Variants in KCNH2 observed in about 807,000 individuals in gnomAD.
KCNH2 encodes the protein voltage-gated inwardly rectifying potassium channel KCNH2.
A neutral mutation model predicts 95.9 loss-of-function variants in KCNH2; 35 were observed. The ratio of observed to expected loss-of-function variants is 0.37; its 90% CI spans 0.28 to 0.48. The LOEUF (loss-of-function observed/expected upper bound fraction) is 0.48, where lower values mean the gene tolerates loss of function less well. Among genes scored for constraint, KCNH2 ranks in the 20% least tolerant of loss-of-function variants. KCNH2 has a pLI of 0.99. For synonymous variants in KCNH2, 786 were observed against 754.7 expected (o/e 1.04, Z -0.68); for missense variants, 1,274 against 1,702.9 (o/e 0.75, Z 4.43).
intron 6 of KCNH2, 105 bp from the exon 7 acceptor site, chr7:150,951,940 A>C: frequency 9.2e-7 from 1 of 1,086,176 alleles, no homozygotes; most frequent in Non-Finnish European, 1.3e-6. Flanking sequence ...CAGATCCCCA[A>C]AGACTTCCTA....
chr7:150,977,275 A>G (rs1360455009), intron 1 of KCNH2, among the ~76,000 whole-genome samples: 1 of 152,024 alleles, frequency 6.6e-6, no homozygotes, highest in Non-Finnish European at 1.5e-5. Flanking sequence ...CTTGTCAAAG[A>G]CACCTCCCCA....
intron 12 of KCNH2, 26 bp from the exon 13 acceptor site, chr7:150,947,540 G>A (rs1800950298): frequency 6.2e-7 from 1 of 1,600,136 alleles, no homozygotes; most frequent in Non-Finnish European, 8.5e-7. Context: ...AGAGCTGGGT[G>A]AGCGGGGTAG....
In KCNH2 at chr7:150,952,470, G is replaced by C. The variant is rs41311003; in HGVS notation, c.1512C>G (p.Ala504=). The part of the protein sequence containing the change: ...FKGWFLIDMV[A]AIPFDLLIFG... ...AGATGAGCAGGTCGAAGGGGATGGC[G>C]GCCACCATGTCGATGAGGAACCAGC... is the stretch of plus-strand genomic sequence containing the variant. Residue 504 remains alanine, a synonymous_variant, in exon 6 of 15, where the codon GCC becomes GCG. Transcript: ENST00000262186. The surrounding 1 kb of genome is among the most constrained non-coding windows in gnomAD (Gnocchi z 7.3). 6.2e-7 allele frequency: 1 copy of C among 1,614,112 alleles called. No individual in the cohort carries two copies. The highest frequency in any genetic ancestry group is 8.5e-7 in the Non-Finnish European group (1 of 1,180,016).
rs199473020 is a variant in KCNH2, at chr7:150,947,385, C to T, written c.3095G>A (p.Arg1032Gln). Residue 1032 changes from arginine to glutamine, a missense_variant, in exon 13 of 15, where the codon CGG (arginine) becomes CAG (glutamine). By Grantham distance (43) the Arg-to-Gln change is conservative. This residue lies in a region of KCNH2 where 457 missense variants were observed against 416.1 expected (regional missense o/e 1.10). Transcript: ENST00000262186. Reference sequence around the variant, plus strand: ...GCTCTCCACGTCGCCCCGGGGCCGCCGACCCGGGCTGGAGAGGGGGATGTT... The same window carrying T: ...GCTCTCCACGTCGCCCCGGGGCCGCTGACCCGGGCTGGAGAGGGGGATGTT... Reference protein sequence around the residue: ...LLNIPLSSPGRRPRGDVESRL... With the variant: ...LLNIPLSSPGQRPRGDVESRL... The T allele has an allele frequency of 1.3e-5, 20 of 1,549,076 alleles. No homozygotes were observed. The East Asian group carries it at 1.9e-4, about 15-fold the overall frequency.
rs767252448 is a variant in KCNH2 at position 150,947,641 on chromosome 7, C to G, written c.2930G>C (p.Cys977Ser). The G allele has an allele frequency of 1.1e-5, 17 of 1,612,142 alleles. No individual in the cohort carries two copies. In the East Asian group the frequency reaches 3.8e-4, roughly 36 times the overall value. ...GTTGCAAGTGTCGCTGCTCTTCTCG[C>G]AGTCCTCCATCAGGGGCTCCCCACC... ...PPGGEPLMED[C>S]EKSSDTCNPL... Residue 977 changes from cysteine to serine, a missense_variant, in exon 12 of 15, where the codon TGC becomes TCC. By Grantham distance (112) the Cys-to-Ser change is moderately radical (BLOSUM62 -1). Around this residue, in one of 7 missense-constraint regions of KCNH2, gnomAD observed 457 missense variants for 416.1 expected, o/e 1.10. Coordinates refer to ENST00000262186, the MANE Select transcript of KCNH2 (RefSeq NM_000238.4).
In KCNH2 at chr7:150,958,294, G is replaced by A. The variant is rs1554427841; in HGVS notation, c.681C>T (p.Pro227=). ...AMDNHVAGLG[P]AEERRALVGP... ...CCACCAGCGCACGCCGCTCCTCCGC[G>A]GGCCCGAGCCCTGCCACGTGGTTGT... Residue 227 remains proline, a synonymous_variant, in exon 4 of 15, where the codon CCC becomes CCT. Transcript: ENST00000262186. 4.8e-6 allele frequency: 7 copies of A among 1,467,490 alleles called. No individual in the cohort carries two copies. The highest frequency in any genetic ancestry group is 6.0e-5 in the East Asian group (2 of 33,500). 90.9% of individuals were successfully genotyped at this position (1,467,490 alleles called of 1,614,324 possible).
At chr7:150,968,895 C>T (rs909412575) in intron 2 of KCNH2, among the ~76,000 whole-genome samples, 1 of 152,182 alleles carries the variant, frequency 6.6e-6, no homozygotes, top group African/African-American at 2.4e-5. Flanking sequence ...TTAGGTGACG[C>T]CCTGCTTCAT....
Position 150,977,924 on chromosome 7 carries a change from T to G in KCNH2, c.-11A>C. The G allele has an allele frequency of 1.3e-6, 2 of 1,576,560 alleles. No homozygotes were observed. ...CCTCCGCACCGGCATCCTGAGCCCATGGGCGGGCCGGGCGGGCCCCCACCC... is the reference window on the plus strand; with the variant it reads ...CCTCCGCACCGGCATCCTGAGCCCAGGGGCGGGCCGGGCGGGCCCCCACCC... On this transcript the variant is annotated 5_prime_UTR_variant, in exon 1 of 15. An upstream start codon of the reference 5' UTR is lost. Transcript: ENST00000262186.
At position 150,977,880 on chromosome 7, in the gene KCNH2, T is replaced by G. The variant is rs1412463792; in HGVS notation, c.34A>C (p.Asn12His). 6.3e-7 allele frequency: 1 copy of G among 1,596,654 alleles called. No homozygotes were observed. Among genetic ancestry groups the G allele is most frequent in the Non-Finnish European group, 8.5e-7 (1 of 1,172,460 alleles). Residue 12 changes from asparagine (N) to histidine (H), a missense_variant, in exon 1 of 15, where the codon AAC (asparagine) becomes CAC (histidine). Asn to His is a moderately conservative substitution (Grantham distance 68, BLOSUM62 1). This residue lies in a region of KCNH2 where 29 missense variants were observed against 25.2 expected (regional missense o/e 1.15). Coordinates refer to ENST00000262186, the MANE Select transcript of KCNH2 (RefSeq NM_000238.4). ...CGGATGATGGTGTCCAGGAAGGTGTTCTGCGGCGCGACGTGGCCCCTCCGC... is the reference window on the plus strand; with the variant it reads ...CGGATGATGGTGTCCAGGAAGGTGTGCTGCGGCGCGACGTGGCCCCTCCGC... The part of the protein sequence containing the change: ...PVRRGHVAPQ[N>H]TFLDTIIRKF...
rs747931464 is a variant in KCNH2 at position 150,945,416 on chromosome 7, C to A, written c.3429G>T (p.Gly1143=). Residue 1143 remains glycine (G), a synonymous_variant, in exon 15 of 15, where the codon GGG becomes GGT. Coordinates refer to ENST00000262186, the MANE Select transcript of KCNH2 (RefSeq NM_000238.4). This position sits in a 1 kb window ranked among gnomAD's most constrained non-coding sequence, Gnocchi z 5.6. ...TGTGCAGGGGCTGGGAGGTGAGGGC[C>A]CCCAGCTGGCCCGGTAGGGAGAGGC... ...TRRLSLPGQL[G]ALTSQPLHRH... is the part of the protein sequence containing the mutation. 4 of 1,578,654 alleles carry A rather than the reference C, an allele frequency of 2.5e-6. No homozygotes were observed. The highest frequency in any genetic ancestry group is 2.6e-6 in the Non-Finnish European group (3 of 1,162,400).
intron 4 of KCNH2, 46 bp from the exon 5 acceptor site, chr7:150,957,548 G>A (rs1016643406): frequency 2.3e-5 from 32 of 1,403,434 alleles, no homozygotes; most frequent in Admixed American, 3.4e-5. Flanking sequence ...CAGGGCCCCA[G>A]GCCAGGCAGG....
intron 2 of KCNH2, among the ~76,000 whole-genome samples, chr7:150,960,477 GTC>G (rs1001760480): frequency 1.3e-5 from 2 of 152,168 alleles, no homozygotes; most frequent in Non-Finnish European, 2.9e-5. Context: ...GTTACTATCT[GTC>G]TCTCTGTTCT....
At chr7:150,966,629 C>T (rs1159925582) in intron 2 of KCNH2, among the ~76,000 whole-genome samples, 1 of 151,926 alleles carries the variant, frequency 6.6e-6, no homozygotes, top group Non-Finnish European at 1.5e-5. Flanking sequence ...AGCAAGGTTG[C>T]AAGATACAAG....
chr7:150,969,171 G>A (rs58717989), intron 2 of KCNH2, among the ~76,000 whole-genome samples: 1 of 152,198 alleles, frequency 6.6e-6, no homozygotes, highest in African/African-American at 2.4e-5. Flanking sequence ...CTAGGCTCGG[G>A]TTCCCACTCA....
At position 150,947,669 on chromosome 7, in the gene KCNH2, G is replaced by C. The variant is rs753788508; in HGVS notation, c.2902C>G (p.Pro968Ala). Residue 968 changes from proline to alanine, a missense_variant, in exon 12 of 15, where the codon CCG (proline) becomes GCG (alanine). Pro to Ala is a conservative substitution (Grantham distance 27). Around this residue, in one of 7 missense-constraint regions of KCNH2, gnomAD observed 457 missense variants for 416.1 expected, o/e 1.10. Transcript: ENST00000262186. ...FSSPRPPGEP[P>A]GGEPLMEDCE... is the part of the protein sequence containing the mutation. ...TCCTCCATCAGGGGCTCCCCACCCG[G>C]CGGCTCTCCGGGGGGCCTGGGGCTG... 4.8e-5 allele frequency: 77 copies of C among 1,607,464 alleles called. No individual in the cohort carries two copies. Among genetic ancestry groups the C allele is most frequent in the Non-Finnish European group, 6.2e-5 (73 of 1,177,432 alleles).
At chr7:150,957,992 G>T in intron 4 of KCNH2, 67 bp downstream of exon 4, 1 of 1,227,806 alleles carries the variant, frequency 8.1e-7, no homozygotes, top group Non-Finnish European at 1.0e-6. Context: ...CGAGGGCCCA[G>T]AATGCAGCAA....
intron 4 of KCNH2, among the ~76,000 whole-genome samples, chr7:150,957,825 G>GC (rs1801429213): frequency 6.6e-6 from 1 of 152,248 alleles, no homozygotes; most frequent in Admixed American, 6.5e-5. Context: ...TCCCGGGACA[G>GC]CCAGCTCCAG....
intron 2 of KCNH2, among the ~76,000 whole-genome samples, chr7:150,963,492 G>A (rs1457243582): frequency 6.6e-6 from 1 of 152,148 alleles, no homozygotes; most frequent in African/African-American, 2.4e-5. Flanking sequence ...GCAGACAAGG[G>A]TGGAGGGAGC....
intron 9 of KCNH2, chr7:150,949,261 A>G: frequency 2.4e-6 from 2 of 834,020 alleles, no homozygotes; most frequent in Non-Finnish European, 2.9e-6. Context: ...AGGGGCCAGG[A>G]GCCCAGGGTC....
Sources: allele counts gnomAD v4.1 joint callset (sites outside exome capture counted in the v4.1 genomes callset), GRCh38; gene constraint gnomAD v4.1.1; regional missense constraint gnomAD v4.1.1; non-coding constraint Gnocchi (gnomAD v3.1); transcripts MANE v1.5; gene names NCBI Gene and HGNC (gene_info 2026-07-23, HGNC 2026-07-21).